ANKIB1: variants seen among roughly 807,000 people sequenced by gnomAD.
ANKIB1 encodes ankyrin repeat and IBR domain containing 1, also known as ankyrin repeat and IBR domain-containing protein 1.
ANKIB1 carries 43 observed loss-of-function variants against 122.1 expected under a neutral mutation model. The ratio of observed to expected loss-of-function variants is 0.35; its 90% CI spans 0.28 to 0.45. The LOEUF (loss-of-function observed/expected upper bound fraction) is 0.45. ANKIB1 is among the 20% of genes least tolerant of loss of function. The pLI, the probability that ANKIB1 is intolerant of heterozygous loss-of-function variation, is 1.00. For missense variants in ANKIB1, 992 were observed against 1,329.5 expected (o/e 0.75, Z 3.95); for synonymous variants, 390 against 442.0 (o/e 0.88, Z 1.48).
intron 1 of ANKIB1, among the ~76,000 whole-genome samples, chr7:92,285,544 A>G (rs1802103093): frequency 2.0e-5 from 3 of 152,252 alleles, no homozygotes; most frequent in African/African-American, 2.4e-5. Flanking sequence ...TTAAAAGAAT[A>G]TTATTTTCTA....
chr7:92,391,595 A>G (rs994278292), intron 16 of ANKIB1, among the ~76,000 whole-genome samples: 5 of 151,928 alleles, frequency 3.3e-5, no homozygotes, highest in Non-Finnish European at 7.4e-5. Flanking sequence ...TTAATTTCAC[A>G]TTTCAGGTGA....
chr7:92,347,159 A>G (rs980238873), intron 7 of ANKIB1, among the ~76,000 whole-genome samples: 7 of 152,260 alleles, frequency 4.6e-5, no homozygotes, highest in Non-Finnish European at 1.0e-4. Flanking sequence ...TTTTATTAGT[A>G]CAGCTAGATG....
At chr7:92,365,984 A>G (rs1206586061) in intron 10 of ANKIB1, among the ~76,000 whole-genome samples, 1 of 150,584 alleles carries the variant, frequency 6.6e-6, no homozygotes, top group African/African-American at 2.4e-5. Context: ...TTTAGTAGAG[A>G]CGGGGTTTCA....
chr7:92,260,101 C>A (rs779917524), intron 1 of ANKIB1, among the ~76,000 whole-genome samples: 1 of 152,168 alleles, frequency 6.6e-6, no homozygotes, highest in Non-Finnish European at 1.5e-5. Flanking sequence ...CACTTCTCTG[C>A]TAAAAACCTT....
Position 92,399,576 on chromosome 7 carries a change from T to G in ANKIB1, c.*627T>G, listed in dbSNP as rs1804974653. The G allele has an allele frequency of 6.6e-6, 1 of 152,188 alleles. No homozygotes were observed. The highest frequency in any genetic ancestry group is 2.4e-5 in the African/African-American group (1 of 41,452). The allele number at this position is 152,188 out of a possible 1,614,324, so 9.4% of individuals were successfully genotyped here. Reference sequence around the variant, plus strand: ...TTGTGCCAAACTCTTACTTGTGTGCTGACTAACAAGGCATTTAGGTGTGCA... The same window carrying G: ...TTGTGCCAAACTCTTACTTGTGTGCGGACTAACAAGGCATTTAGGTGTGCA... On this transcript the variant is annotated 3_prime_UTR_variant, in exon 20 of 20. Coordinates refer to ENST00000265742, the MANE Select transcript of ANKIB1 (RefSeq NM_019004.2).
chr7:92,376,350 T>A (rs1804379706), intron 11 of ANKIB1, among the ~76,000 whole-genome samples: 1 of 152,244 alleles, frequency 6.6e-6, no homozygotes, highest in Non-Finnish European at 1.5e-5. Flanking sequence ...TTGTTTAATG[T>A]AGCCACTTTC....
chr7:92,346,472 GA>G (rs914392816), intron 7 of ANKIB1, among the ~76,000 whole-genome samples: 12 of 151,924 alleles, frequency 7.9e-5, no homozygotes, highest in Admixed American at 5.9e-4. Flanking sequence ...TTTGGAGGGG[GA>G]AAAAAATACT....
chr7:92,350,019 AGAAAGAAAAG>A (rs1803624774), intron 7 of ANKIB1, among the ~76,000 whole-genome samples: 1 of 151,368 alleles, frequency 6.6e-6, no homozygotes, highest in African/African-American at 2.4e-5. Flanking sequence ...AAAAAAAAAA[AGAAAGAAAAG>A]GAAAGAAAAA....
chr7:92,324,135 G>A lies in ANKIB1; in HGVS notation c.670-3648G>A, dbSNP rs184095544. Among the ~76,000 whole-genome samples, 455 of 152,352 alleles carry A rather than the reference G, an allele frequency of 3.0e-3. 1 individual carries two copies. The highest frequency in any genetic ancestry group is 0.01 in the African/African-American group (431 of 41,584). ...GAGTGATGGAAATGTTTTTAAACTA[G>A]ATAAAGGTGGTGATTGTACAACACT... On this transcript the variant is annotated intron_variant, in intron 4 of 19. Transcript: ENST00000265742.
chr7:92,340,023 G>GT (rs1246478330), intron 5 of ANKIB1, among the ~76,000 whole-genome samples: 5 of 151,076 alleles, frequency 3.3e-5, no homozygotes, highest in Admixed American at 2.6e-4. Context: ...CCTTTGAAGT[G>GT]TTTTTTCTCC....
intron 5 of ANKIB1, among the ~76,000 whole-genome samples, chr7:92,335,295 G>C (rs1453368691): frequency 6.6e-6 from 1 of 151,858 alleles, no homozygotes; most frequent in Non-Finnish European, 1.5e-5. Flanking sequence ...GTTGAGGCTT[G>C]TTTAAGCATG....
intron 1 of ANKIB1, among the ~76,000 whole-genome samples, chr7:92,270,728 GTTTTTT>G (rs397889266): frequency 1.3e-4 from 11 of 81,996 alleles, no homozygotes; most frequent in African/African-American, 5.3e-4. Flanking sequence ...CATCGCTATA[GTTTTTT>G]TTTTTTTTTT....
rs1435728135 is a variant in ANKIB1, at chr7:92,343,121, G to T, written c.885G>T (p.Gly295=). 6.2e-7 allele frequency: 1 copy of T among 1,613,918 alleles called. No homozygotes were observed. Among genetic ancestry groups the T allele is most frequent in the Non-Finnish European group, 8.5e-7 (1 of 1,179,870 alleles). Residue 295 remains glycine (G), a synonymous_variant, in exon 6 of 20, where the codon GGG becomes GGT. Transcript: ENST00000265742. ...AAATGCCAACTCCACCACCAAGTGG[G>T]TATAATGCCTGGGACACGCTCCCAT... ...GVQMPTPPPS[G]YNAWDTLPSP...
chr7:92,323,340 T>G (rs1585107092), intron 4 of ANKIB1, among the ~76,000 whole-genome samples: 1 of 152,348 alleles, frequency 6.6e-6, no homozygotes, highest in East Asian at 1.9e-4. Flanking sequence ...TTTATTTCTC[T>G]GATTATCGTG....
chr7:92,293,547 A>G (rs1232841459), intron 1 of ANKIB1, among the ~76,000 whole-genome samples: 1 of 152,220 alleles, frequency 6.6e-6, no homozygotes, highest in Non-Finnish European at 1.5e-5. Context: ...ATAGAGTAAC[A>G]TGAAAGACTG....
At chr7:92,376,060 A>T (rs1476802195) in intron 11 of ANKIB1, among the ~76,000 whole-genome samples, 1 of 152,222 alleles carries the variant, frequency 6.6e-6, no homozygotes, top group Non-Finnish European at 1.5e-5. Context: ...AATATTCAGT[A>T]AACCATGCCA....
At chr7:92,266,626 T>A (rs1001298380) in intron 1 of ANKIB1, among the ~76,000 whole-genome samples, 1 of 152,098 alleles carries the variant, frequency 6.6e-6, no homozygotes, top group African/African-American at 2.4e-5. Flanking sequence ...CGGAACTCAC[T>A]GGGGGCACTG....
intron 1 of ANKIB1, among the ~76,000 whole-genome samples, chr7:92,249,985 C>T (rs958914323): frequency 6.6e-6 from 1 of 152,070 alleles, no homozygotes; most frequent in Non-Finnish European, 1.5e-5. Context: ...ATTTGACTTA[C>T]AGTCCTTAAA....
At position 92,351,019 on chromosome 7, in the gene ANKIB1, A is replaced by C. The variant is rs772576720; in HGVS notation, c.1155A>C (p.Gln385His). The change falls in exon 8 of 20, where the codon CAA (glutamine) becomes CAC (histidine). Residue 385 changes from glutamine to histidine, a missense_variant. Around this residue, in one of 4 missense-constraint regions of ANKIB1, gnomAD observed 521 missense variants for 777.7 expected, o/e 0.67. Coordinates refer to ENST00000265742, the MANE Select transcript of ANKIB1 (RefSeq NM_019004.2). ...TTTGCCCTGCATATGATTGCTTCCA[A>C]CTTGTACCTGTGGATATCATAGAAA... ...NIFCPAYDCF[Q>H]LVPVDIIESV... The C allele has an allele frequency of 1.2e-6, 2 of 1,604,368 alleles. No homozygotes were observed. Among genetic ancestry groups the C allele is most frequent in the African/African-American group, 2.7e-5 (2 of 74,838 alleles).
Sources: allele counts gnomAD v4.1 joint callset (sites outside exome capture counted in the v4.1 genomes callset), GRCh38; gene constraint gnomAD v4.1.1; regional missense constraint gnomAD v4.1.1; transcripts MANE v1.5; gene names NCBI Gene and HGNC (gene_info 2026-07-23, HGNC 2026-07-21).